CDKL1: variants seen among roughly 807,000 people sequenced by gnomAD.
The protein encoded by CDKL1 is cyclin dependent kinase like 1.
In CDKL1, 41 loss-of-function variants were observed where a neutral mutation model predicts 42.0. The observed-to-expected ratio is 0.98, with a 90% CI of 0.76 to 1.27. The LOEUF (loss-of-function observed/expected upper bound fraction) is 1.27, where lower values mean the gene tolerates loss of function less well. Ranked by LOEUF, CDKL1 falls within the 50% of genes most tolerant of loss-of-function variation. The pLI is 0.00. For synonymous variants in CDKL1, 153 were observed against 158.6 expected (o/e 0.96, Z 0.26); for missense variants, 394 against 428.4 (o/e 0.92, Z 0.71).
Position 50,394,282 on chromosome 14 carries a change from C to T in CDKL1, c.168+1419G>A, listed in dbSNP as rs11570787. On this transcript the variant is annotated intron_variant, in intron 2 of 9. Transcript: ENST00000395834. ...CAGAGAGGGTAAGGGTAGGGTGACCCGGGCAGGGGGATGGTCAAAACACTG... is the reference window on the plus strand; with the variant it reads ...CAGAGAGGGTAAGGGTAGGGTGACCTGGGCAGGGGGATGGTCAAAACACTG... Among the ~76,000 whole-genome samples the T allele has an allele frequency of 4.2e-3, 634 of 152,294 alleles. 24 individuals are homozygous for T. In the East Asian group the frequency reaches 0.093, roughly 22 times the overall value.
At chr14:50,345,496 C>T (rs148018351) in intron 3 of CDKL1, among the ~76,000 whole-genome samples, 5 of 152,320 alleles carry the variant, frequency 3.3e-5, no homozygotes, top group African/African-American at 1.2e-4. Flanking sequence ...TGAAGCAGGA[C>T]TCATCTTCCA....
chr14:50,374,388 C>T (rs138483304), intron 2 of CDKL1, among the ~76,000 whole-genome samples: 2 of 152,276 alleles, frequency 1.3e-5, no homozygotes, highest in African/African-American at 4.8e-5. Flanking sequence ...TAGAACTTTA[C>T]GACACAATGT....
intron 4 of CDKL1, chr14:50,343,183 T>A: frequency 4.6e-6 from 2 of 437,278 alleles, no homozygotes; most frequent in East Asian, 9.3e-5. Context: ...TTGAGTTGGG[T>A]CAAAATACTG....
intron 2 of CDKL1, among the ~76,000 whole-genome samples, chr14:50,382,684 T>C (rs35189229): frequency 0.83 from 125,761 of 151,476 alleles, 52,672 homozygotes; most frequent in African/African-American, 0.93. Flanking sequence ...GCCTTGACCT[T>C]CCAGGCTTAG....
intron 2 of CDKL1, among the ~76,000 whole-genome samples, chr14:50,376,905 G>A (rs2139504541): frequency 6.6e-6 from 1 of 152,224 alleles, no homozygotes; most frequent in South Asian, 2.1e-4. Context: ...GTGGTGGAAT[G>A]GTGAAATTTA....
chr14:50,374,663 C>T (rs1173314746), intron 2 of CDKL1, among the ~76,000 whole-genome samples: 1 of 152,120 alleles, frequency 6.6e-6, no homozygotes, highest in East Asian at 1.9e-4. Flanking sequence ...TCTTGTTTAG[C>T]TTAATAAAGA....
At chr14:50,361,345 T>C (rs1233918932) in intron 2 of CDKL1, among the ~76,000 whole-genome samples, 1 of 152,216 alleles carries the variant, frequency 6.6e-6, no homozygotes, top group Non-Finnish European at 1.5e-5. Context: ...GCTCCAGATA[T>C]TATACTTGAT....
At position 50,388,968 on chromosome 14, in the gene CDKL1, C is replaced by T. The variant is rs565910298; in HGVS notation, c.168+6733G>A. 4.6e-5 allele frequency among the ~76,000 whole-genome samples: 7 copies of T among 151,844 alleles called. No homozygotes were observed. In the East Asian group the frequency reaches 9.7e-4, roughly 21 times the overall value. On this transcript the variant is annotated intron_variant, in intron 2 of 9. Transcript: ENST00000395834. ...CAAAAATTAGCTGGGTGTGGTGGCACGCCCCTGTAGTCCTATCTACTGGGG... is the reference window on the plus strand; with the variant it reads ...CAAAAATTAGCTGGGTGTGGTGGCATGCCCCTGTAGTCCTATCTACTGGGG...
chr14:50,378,760 C>T (rs929292806), intron 2 of CDKL1, among the ~76,000 whole-genome samples: 15 of 152,092 alleles, frequency 9.9e-5, no homozygotes, highest in African/African-American at 3.4e-4. Context: ...TGGTCTCAAA[C>T]TCCTGGCCTC....
At chr14:50,375,962 A>G (rs2034720079) in intron 2 of CDKL1, among the ~76,000 whole-genome samples, 2 of 152,194 alleles carry the variant, frequency 1.3e-5, no homozygotes, top group Non-Finnish European at 1.5e-5. Context: ...AAACTGCCAG[A>G]GTCATCAAAA....
chr14:50,344,235 C>T (rs540403297), intron 4 of CDKL1, among the ~76,000 whole-genome samples: 16 of 152,238 alleles, frequency 1.1e-4, no homozygotes, highest in African/African-American at 2.4e-4. Flanking sequence ...GTTCGAGACT[C>T]GACACTCATA....
intron 2 of CDKL1, among the ~76,000 whole-genome samples, chr14:50,366,576 A>G (rs1205276784): frequency 2.0e-5 from 3 of 152,238 alleles, no homozygotes; most frequent in African/African-American, 7.2e-5. Flanking sequence ...TTAAAAGCTC[A>G]CTACAGCAAC....
intron 3 of CDKL1, among the ~76,000 whole-genome samples, chr14:50,353,635 C>G (rs115410577): frequency 8.0e-4 from 122 of 152,204 alleles, no homozygotes; most frequent in African/African-American, 2.9e-3. Flanking sequence ...GGAGATTGAA[C>G]TAAGAAATCA....
intron 7 of CDKL1, among the ~76,000 whole-genome samples, chr14:50,337,641 C>T (rs1384165452): frequency 6.6e-6 from 1 of 151,706 alleles, no homozygotes; most frequent in East Asian, 1.9e-4. Flanking sequence ...AGGTGTGGGC[C>T]ACCGCACCTG....
At chr14:50,330,252 A>C in intron 9 of CDKL1, 71 bp from the exon 10 acceptor site, 46 of 1,534,480 alleles carry the variant, frequency 3.0e-5, no homozygotes, top group Non-Finnish European at 3.7e-5. Flanking sequence ...AGAATATATC[A>C]CAAAAGAGGT....
Position 50,328,901 on chromosome 14 carries a change from A to T in CDKL1, c.*1173T>A, listed in dbSNP as rs2032800369. The T allele has an allele frequency of 7.1e-6, 1 of 140,806 alleles. No individual in the cohort carries two copies. The highest frequency in any genetic ancestry group is 2.7e-5 in the African/African-American group (1 of 37,502). The allele number at this position is 140,806 out of a possible 1,614,324, so 8.7% of individuals were successfully genotyped here. ...CAGCTACTTGGGAGGCTGAGGTGGCAGGTTTTATATATATATATAAAAAAC... is the reference window on the plus strand; with the variant it reads ...CAGCTACTTGGGAGGCTGAGGTGGCTGGTTTTATATATATATATAAAAAAC... On this transcript the variant is annotated 3_prime_UTR_variant, in exon 10 of 10. Coordinates refer to ENST00000395834, the MANE Select transcript of CDKL1 (RefSeq NM_004196.7).
chr14:50,344,891 T>C, intron 4 of CDKL1, 95 bp downstream of exon 4: 1 of 1,049,672 alleles, frequency 9.5e-7, no homozygotes, highest in Non-Finnish European at 1.4e-6. Context: ...GGGTAAAAAA[T>C]TTTACCCACA....
At chr14:50,348,956 G>A (rs779494923) in intron 3 of CDKL1, among the ~76,000 whole-genome samples, 1 of 151,516 alleles carries the variant, frequency 6.6e-6, no homozygotes, top group Non-Finnish European at 1.5e-5. Context: ...AATAATAGAG[G>A]GTACAGAAAA....
rs11570846 is a variant in CDKL1, at chr14:50,339,251, CTG to C, written c.656-224_656-223del. Among the ~76,000 whole-genome samples the C allele has an allele frequency of 9.7e-3, 1,470 of 152,170 alleles. 26 individuals are homozygous for C. The highest frequency in any genetic ancestry group is 0.032 in the African/African-American group (1,339 of 41,492). On this transcript the variant is annotated intron_variant, in intron 6 of 9. Coordinates refer to ENST00000395834, the MANE Select transcript of CDKL1 (RefSeq NM_004196.7). ...GCACAGAGGAGGCAAGCAACAGAAA[CTG>C]AGGGCTACAAGCTTCTTGCTCTCAG...
Sources: allele counts gnomAD v4.1 joint callset (sites outside exome capture counted in the v4.1 genomes callset), GRCh38; gene constraint gnomAD v4.1.1; transcripts MANE v1.5; gene names NCBI Gene and HGNC (gene_info 2026-07-23, HGNC 2026-07-21).